The following ZNF804B variants were observed in gnomAD, a reference collection of about 807,000 sequenced individuals.
ZNF804B encodes zinc finger 804B.
A neutral mutation model predicts 101.4 loss-of-function variants in ZNF804B; 80 were observed. That is an observed-to-expected ratio of 0.79 (90% CI 0.66 to 0.95). The LOEUF (loss-of-function observed/expected upper bound fraction) is 0.95, where lower values mean the gene tolerates loss of function less well. ZNF804B is among the 40% of genes least tolerant of loss of function. The pLI, the probability that ZNF804B is intolerant of heterozygous loss-of-function variation, is 0.00. For missense variants in ZNF804B, 1,673 were observed against 1,561.9 expected, an observed-to-expected ratio of 1.07 and a Z score of -1.20; for synonymous variants, 622 against 558.8, an observed-to-expected ratio of 1.11 and a Z score of -1.59.
chr7:89,039,662 C>A (rs1179965348), intron 1 of ZNF804B, among the ~76,000 whole-genome samples: 1 of 143,162 alleles, frequency 7.0e-6, no homozygotes, highest in Non-Finnish European at 1.5e-5. Context: ...TTTTTTTTTT[C>A]TTGTAGGCAC....
At position 88,828,919 on chromosome 7, in the gene ZNF804B, G is replaced by A. The variant is rs143214545; in HGVS notation, c.108+68835G>A. ...CTTACAGATAATATCTTCTGTAGTT[G>A]TAGGGTGCCTTAACTCTGTGTTCTT... On this transcript the variant is annotated intron_variant, in intron 1 of 3. Transcript: ENST00000333190. 2.3e-3 allele frequency among the ~76,000 whole-genome samples: 357 copies of A among 152,150 alleles called. 2 individuals carry two copies. Among genetic ancestry groups the A allele is most frequent in the South Asian group, 9.8e-3 (47 of 4,818 alleles).
chr7:88,801,861 T>C (rs1790596281), intron 1 of ZNF804B, among the ~76,000 whole-genome samples: 3 of 152,154 alleles, frequency 2.0e-5, no homozygotes, highest in Admixed American at 6.6e-5. Flanking sequence ...AAAATAGTTA[T>C]TCACTGAAAC....
chr7:89,324,173 A>T (rs939331921), intron 2 of ZNF804B, among the ~76,000 whole-genome samples: 1 of 150,964 alleles, frequency 6.6e-6, no homozygotes, highest in Non-Finnish European at 1.5e-5. Flanking sequence ...GTTGATGTTT[A>T]ATAGCAAGAC....
chr7:89,175,865 A>G (rs541905179), intron 1 of ZNF804B, among the ~76,000 whole-genome samples: 2 of 151,716 alleles, frequency 1.3e-5, no homozygotes, highest in Admixed American at 1.3e-4. Flanking sequence ...TTTCTTTTTC[A>G]TATTGTTCAC....
At chr7:89,117,912 T>G (rs1250786528) in intron 1 of ZNF804B, among the ~76,000 whole-genome samples, 5 of 152,194 alleles carry the variant, frequency 3.3e-5, no homozygotes. Context: ...ACTTAGTCTT[T>G]TTTTCAACTA....
chr7:89,153,412 C>CTAA (rs1790906605), intron 1 of ZNF804B, among the ~76,000 whole-genome samples: 1 of 127,078 alleles, frequency 7.9e-6, no homozygotes, highest in African/African-American at 3.1e-5. Context: ...AACACTACTA[C>CTAA]TAATGATGAT....
intron 1 of ZNF804B, among the ~76,000 whole-genome samples, chr7:89,050,049 A>G (rs1364141721): frequency 1.3e-5 from 2 of 152,122 alleles, no homozygotes; most frequent in Non-Finnish European, 2.9e-5. Flanking sequence ...TCACTAGTCT[A>G]AGTAGATGGA....
rs116264930 is a variant in ZNF804B at position 89,285,045 on chromosome 7, A to C, written c.250-42299A>C. 3.8e-3 allele frequency among the ~76,000 whole-genome samples: 577 copies of C among 151,824 alleles called. 3 individuals are homozygous for C. The highest frequency in any genetic ancestry group is 0.013 in the African/African-American group (543 of 41,396). On this transcript the variant is annotated intron_variant, in intron 2 of 3. Transcript: ENST00000333190. ...GAGACCCTGTCTCCACTAAATAAAA[A>C]AATTTAAATTTAAATTTAAAAAAAA... is the stretch of plus-strand genomic sequence containing the variant.
intron 1 of ZNF804B, among the ~76,000 whole-genome samples, chr7:89,098,931 T>C (rs190160603): frequency 1.3e-5 from 2 of 151,612 alleles, no homozygotes; most frequent in East Asian, 3.9e-4. Context: ...TACTGAAAAG[T>C]AGGTTGTGTT....
intron 1 of ZNF804B, among the ~76,000 whole-genome samples, chr7:89,086,571 A>G (rs989021379): frequency 6.6e-6 from 1 of 151,968 alleles, no homozygotes. Flanking sequence ...GAAAGAGACA[A>G]GATAGAATAT....
chr7:88,855,015 T>C (rs575580470), intron 1 of ZNF804B, among the ~76,000 whole-genome samples: 18 of 152,156 alleles, frequency 1.2e-4, no homozygotes, highest in Admixed American at 9.8e-4. Context: ...GGTTGGACAT[T>C]TGGGTTGGTT....
At position 89,337,097 on chromosome 7, in the gene ZNF804B, TAAA is replaced by T; in HGVS notation, c.*66_*68del. 1 of 1,433,872 alleles carries T rather than the reference TAAA, an allele frequency of 7.0e-7. No homozygotes were observed. Among genetic ancestry groups the T allele is most frequent in the Non-Finnish European group, 9.4e-7 (1 of 1,065,384 alleles). The allele number at this position is 1,433,872 out of a possible 1,614,324, so 88.8% of individuals were successfully genotyped here. A position where few individuals can be genotyped will look rare whatever the true frequency, so the allele number is the denominator to read the frequency against. ...GTCACTACCTATAAAATCATACATT[TAAA>T]GAAGTCTGTCAATTATAAGATTTAA... On this transcript the variant is annotated 3_prime_UTR_variant, in exon 4 of 4. Transcript: ENST00000333190.
In ZNF804B at chr7:89,156,522, A is replaced by G. The variant is rs1004388827; in HGVS notation, c.109-61633A>G. Among the ~76,000 whole-genome samples, 4 of 152,142 alleles carry G rather than the reference A, an allele frequency of 2.6e-5. No individual in the cohort carries two copies. The East Asian group carries it at 7.7e-4, about 29-fold the overall frequency. On this transcript the variant is annotated intron_variant, in intron 1 of 3. Transcript: ENST00000333190. ...AGTCCTAATAATTCACTTTACAACT[A>G]CAACATGGAAATAATATAGAACTCT...
At chr7:89,085,978 C>T (rs1472042589) in intron 1 of ZNF804B, among the ~76,000 whole-genome samples, 3 of 151,906 alleles carry the variant, frequency 2.0e-5, no homozygotes, top group East Asian at 3.9e-4. Flanking sequence ...TTACACTTCA[C>T]ATTTTTGCAA....
intron 2 of ZNF804B, among the ~76,000 whole-genome samples, chr7:89,300,665 A>G (rs1790458312): frequency 6.6e-6 from 1 of 151,926 alleles, no homozygotes; most frequent in Non-Finnish European, 1.5e-5. Context: ...GGCAGAGTAG[A>G]GAGAATGACA....
In ZNF804B at chr7:89,336,092, C is replaced by T. The variant is rs1791081595; in HGVS notation, c.3110C>T (p.Ser1037Phe). Residue 1037 changes from serine (S) to phenylalanine (F), a missense_variant, in exon 4 of 4, where the codon TCT (serine) becomes TTT (phenylalanine). Ser to Phe is a radical substitution (Grantham distance 155). Transcript: ENST00000333190. ...GGTATAATTCACCTAGTAACAGAGTCTCAGTCACTAAACATAAAAAGGGAT... is the reference window on the plus strand; with the variant it reads ...GGTATAATTCACCTAGTAACAGAGTTTCAGTCACTAAACATAAAAAGGGAT... ...SKGIIHLVTE[S>F]QSLNIKRDAT... 6.2e-7 allele frequency: 1 copy of T among 1,613,794 alleles called. No individual in the cohort carries two copies. Among genetic ancestry groups the T allele is most frequent in the Non-Finnish European group, 8.5e-7 (1 of 1,179,992 alleles).
intron 1 of ZNF804B, among the ~76,000 whole-genome samples, chr7:89,124,832 T>G (rs1790455885): frequency 6.6e-6 from 1 of 152,092 alleles, no homozygotes; most frequent in Non-Finnish European, 1.5e-5. Context: ...TTGATAACTT[T>G]AAAGACCTTG....
At chr7:88,773,371 AC>A (rs1462141882) in intron 1 of ZNF804B, among the ~76,000 whole-genome samples, 3 of 151,802 alleles carry the variant, frequency 2.0e-5, no homozygotes, top group Admixed American at 6.6e-5. Flanking sequence ...AGAATTAAAA[AC>A]AAAAATATTT....
intron 1 of ZNF804B, among the ~76,000 whole-genome samples, chr7:89,168,347 G>T (rs1791174057): frequency 6.6e-6 from 1 of 151,702 alleles, no homozygotes. Flanking sequence ...TATATATGTA[G>T]ATATATATAC....
Sources: allele counts gnomAD v4.1 joint callset (sites outside exome capture counted in the v4.1 genomes callset), GRCh38; gene constraint gnomAD v4.1.1; transcripts MANE v1.5; gene names NCBI Gene and HGNC (gene_info 2026-07-23, HGNC 2026-07-21).